RBFOX1: variants seen among roughly 807,000 people sequenced by gnomAD.
The protein encoded by RBFOX1 is RNA binding fox-1 homolog 1, also known as RNA binding protein fox-1 homolog 1.
In RBFOX1, 8 loss-of-function variants were observed where a neutral mutation model predicts 57.7. The observed-to-expected ratio is 0.14, with a 90% confidence interval of 0.08 to 0.25. The LOEUF (loss-of-function observed/expected upper bound fraction) is 0.25, where lower values mean the gene tolerates loss of function less well. Among genes scored for constraint, RBFOX1 ranks in the 10% least tolerant of loss-of-function variants. RBFOX1 has a pLI of 1.00. For synonymous variants in RBFOX1, 326 were observed against 222.4 expected (o/e 1.47, Z -4.15); for missense variants, 611 against 548.5 (o/e 1.11, Z -1.14).
chr16:6,416,369 G>C (rs2093624452), intron 2 of RBFOX1, among the ~76,000 whole-genome samples: 1 of 152,150 alleles, frequency 6.6e-6, no homozygotes, highest in South Asian at 2.1e-4. Flanking sequence ...AACTGGTTTT[G>C]AAGCCAGTCG....
intron 4 of RBFOX1, among the ~76,000 whole-genome samples, chr16:7,245,181 C>A (rs2094239815): frequency 6.6e-6 from 1 of 152,088 alleles, no homozygotes; most frequent in Non-Finnish European, 1.5e-5. Context: ...CTCTCTAGAT[C>A]CTAACTAAAA....
intron 2 of RBFOX1, among the ~76,000 whole-genome samples, chr16:6,654,174 A>G (rs1445740430): frequency 3.3e-5 from 5 of 152,112 alleles, no homozygotes; most frequent in Non-Finnish European, 7.4e-5. Context: ...GGATGGTTGG[A>G]TGGTTGGAAG....
chr16:5,891,131 G>C (rs552749111), intron 4 of RBFOX1, among the ~76,000 whole-genome samples: 2 of 152,220 alleles, frequency 1.3e-5, no homozygotes, highest in Non-Finnish European at 2.9e-5. Flanking sequence ...ACAGAAGTCA[G>C]TTCTGCCTCT....
intron 2 of RBFOX1, among the ~76,000 whole-genome samples, chr16:6,616,975 G>C (rs893734247): frequency 6.6e-6 from 1 of 152,146 alleles, no homozygotes; most frequent in African/African-American, 2.4e-5. Flanking sequence ...TTGCAACAGA[G>C]ACCTTATGTC....
intron 3 of RBFOX1, among the ~76,000 whole-genome samples, chr16:6,805,394 A>C (rs2086511366): frequency 6.6e-6 from 1 of 152,168 alleles, no homozygotes; most frequent in African/African-American, 2.4e-5. Context: ...CCTGGAGGAT[A>C]GAGGGTAGGA....
At chr16:7,140,191 T>TCTCC (rs2073351602) in intron 4 of RBFOX1, among the ~76,000 whole-genome samples, 4 of 136,080 alleles carry the variant, frequency 2.9e-5, no homozygotes, top group African/African-American at 1.1e-4. Flanking sequence ...TCTCTCTCTC[T>TCTCC]CTCCCTCCTT....
At chr16:5,639,228 A>G (rs1025846739) in intron 3 of RBFOX1, among the ~76,000 whole-genome samples, 2 of 152,144 alleles carry the variant, frequency 1.3e-5, no homozygotes, top group Non-Finnish European at 2.9e-5. Flanking sequence ...CATTTCATCT[A>G]TGTACGTAAG....
intron 1 of RBFOX1, among the ~76,000 whole-genome samples, chr16:6,079,503 T>G (rs1233182230): frequency 6.6e-6 from 1 of 152,142 alleles, no homozygotes; most frequent in Non-Finnish European, 1.5e-5. Flanking sequence ...TTTTTACTTT[T>G]TGTAGAGATG....
At position 7,422,910 on chromosome 16, in the gene RBFOX1, G is replaced by A. The variant is rs889450684; in HGVS notation, c.28-95237G>A. 7 of 152,102 alleles carry A rather than the reference G, an allele frequency of 4.6e-5. No homozygotes were observed. In the Admixed American group the frequency reaches 4.6e-4, roughly 10 times the overall value. 9.4% of individuals were successfully genotyped at this position (152,102 alleles called of 1,614,324 possible). ...TCTTTTCTTTTTGCCATTTGCTAAA[G>A]CCTCTCCACCCCTCCTTTTCCCTCC... On this transcript the variant is annotated intron_variant, in intron 4 of 15. Transcript: ENST00000550418.
At chr16:7,562,217 T>G (rs1300176256) in intron 5 of RBFOX1, among the ~76,000 whole-genome samples, 2 of 152,180 alleles carry the variant, frequency 1.3e-5, no homozygotes, top group Non-Finnish European at 2.9e-5. Flanking sequence ...CAGAGCTGTG[T>G]ACCTGCTTTT....
intron 4 of RBFOX1, among the ~76,000 whole-genome samples, chr16:7,259,071 A>T (rs2094813475): frequency 6.6e-6 from 1 of 152,222 alleles, no homozygotes; most frequent in Non-Finnish European, 1.5e-5. Flanking sequence ...AAATGAAACA[A>T]AGCTACTTTA....
chr16:5,918,627 G>T (rs1028895014), intron 4 of RBFOX1, among the ~76,000 whole-genome samples: 2 of 152,188 alleles, frequency 1.3e-5, no homozygotes, highest in Non-Finnish European at 2.9e-5. Context: ...AAAATTTGCA[G>T]GGTAGACAGT....
At chr16:7,215,399 C>T (rs779941007) in intron 4 of RBFOX1, among the ~76,000 whole-genome samples, 16 of 152,136 alleles carry the variant, frequency 1.1e-4, no homozygotes, top group Non-Finnish European at 1.9e-4. Context: ...ATTACAATAG[C>T]AAAGACTTGG....
intron 9 of RBFOX1, 94 bp downstream of exon 9, chr16:7,597,525 C>T (rs2094768166): frequency 1.7e-6 from 2 of 1,148,924 alleles, no homozygotes; most frequent in Non-Finnish European, 2.5e-6. Context: ...GCTGTGTTTG[C>T]CTGGGCATTG....
At chr16:5,719,929 G>A (rs560169616) in intron 3 of RBFOX1, among the ~76,000 whole-genome samples, 7 of 152,288 alleles carry the variant, frequency 4.6e-5, no homozygotes, top group African/African-American at 7.2e-5. Context: ...TAGAAGTTCA[G>A]CTGCTAGGAG....
chr16:6,001,109 G>A (rs2060592107), intron 4 of RBFOX1, among the ~76,000 whole-genome samples: 2 of 152,110 alleles, frequency 1.3e-5, no homozygotes, highest in Admixed American at 6.5e-5. Context: ...AAATATCTTA[G>A]CCTCTGCCCA....
chr16:5,692,288 G>T, intron 3 of RBFOX1, among the ~76,000 whole-genome samples: 1 of 151,914 alleles, frequency 6.6e-6, no homozygotes, highest in East Asian at 1.9e-4. Context: ...CATGTTGTGA[G>T]AAAACACTGT....
intron 3 of RBFOX1, among the ~76,000 whole-genome samples, chr16:6,674,782 G>C (rs537022131): frequency 2.6e-5 from 4 of 152,312 alleles, no homozygotes; most frequent in South Asian, 4.2e-4. Flanking sequence ...GGCAAGGAAG[G>C]ATTCTTTCCT....
chr16:6,580,202 C>T (rs1567757204), intron 2 of RBFOX1, among the ~76,000 whole-genome samples: 1 of 152,190 alleles, frequency 6.6e-6, no homozygotes, highest in Non-Finnish European at 1.5e-5. Context: ...CATAATCTGC[C>T]CTCCTCAGCC....
Sources: allele counts gnomAD v4.1 joint callset (sites outside exome capture counted in the v4.1 genomes callset), GRCh38; gene constraint gnomAD v4.1.1; transcripts MANE v1.5; gene names NCBI Gene and HGNC (gene_info 2026-07-23, HGNC 2026-07-21).